Variants in POMT2 observed in about 807,000 individuals in gnomAD.
The protein encoded by POMT2 is protein O-mannosyl-transferase 2.
In POMT2, 75 loss-of-function variants were observed where a neutral mutation model predicts 100.0. That is an observed-to-expected ratio of 0.75 (90% CI 0.62 to 0.91). The LOEUF (loss-of-function observed/expected upper bound fraction) is 0.91, where lower values mean the gene tolerates loss of function less well. Among genes scored for constraint, POMT2 ranks in the 40% least tolerant of loss-of-function variants. POMT2 has a pLI of 0.00. For synonymous variants in POMT2, 378 were observed against 374.1 expected, an observed-to-expected ratio of 1.01 and a Z score of -0.12; for missense variants, 940 against 955.1, an observed-to-expected ratio of 0.98 and a Z score of 0.21.
intron 12 of POMT2, among the ~76,000 whole-genome samples, chr14:77,286,297 G>A (rs535114430): frequency 9.2e-5 from 14 of 152,274 alleles, no homozygotes; most frequent in Admixed American, 2.6e-4. Flanking sequence ...TCTCCTTGAG[G>A]TAGTAAAATA....
At chr14:77,280,261 C>T in intron 16 of POMT2, 131 bp downstream of exon 16, 2 of 1,557,206 alleles carry the variant, frequency 1.3e-6, no homozygotes, top group Non-Finnish European at 1.7e-6. Flanking sequence ...CAGATACTCC[C>T]ACCTCTGGCC....
chr14:77,291,288 G>A lies in POMT2; in HGVS notation c.1183+26C>T, dbSNP rs368825506. ...GGGCTCAGAGGGAGTAACAGCACAA[G>A]AAGCATCAGTCTCTGACCACATTAC... On this transcript the variant is annotated intron_variant, in intron 10 of 20. Transcript: ENST00000261534. 4 of 1,607,510 alleles carry A rather than the reference G, an allele frequency of 2.5e-6. No individual in the cohort carries two copies. The East Asian group carries it at 6.7e-5, about 27-fold the overall frequency.
rs976101324 is a variant in POMT2 at position 77,276,338 on chromosome 14, C to G, written c.*1038G>C. 2 of 152,718 alleles carry G rather than the reference C, an allele frequency of 1.3e-5. No individual in the cohort carries two copies. The highest frequency in any genetic ancestry group is 4.8e-5 in the African/African-American group (2 of 41,428). 9.5% of individuals were successfully genotyped at this position (152,718 alleles called of 1,614,324 possible). ...GCCCACGGAGTGAGGGAGGGGTGAG[C>G]AGAGGAGGACTGCAGAAGTGACACT... On this transcript the variant is annotated 3_prime_UTR_variant, in exon 21 of 21. Coordinates refer to ENST00000261534, the MANE Select transcript of POMT2 (RefSeq NM_013382.7).
chr14:77,293,537 C>T (rs6574364), intron 9 of POMT2, among the ~76,000 whole-genome samples: 10,395 of 152,252 alleles, frequency 0.068, 635 homozygotes, highest in African/African-American at 0.17. Flanking sequence ...TACTTTTCTA[C>T]ATTTTCCAAT....
At chr14:77,307,885 CAG>C (rs1891282478) in intron 2 of POMT2, among the ~76,000 whole-genome samples, 1 of 95,710 alleles carries the variant, frequency 1.0e-5, no homozygotes, top group Admixed American at 1.4e-4. Context: ...TTTTTTGAGA[CAG>C]AGTCTCGCTC....
intron 9 of POMT2, among the ~76,000 whole-genome samples, chr14:77,294,570 C>T (rs1360238844): frequency 1.3e-5 from 2 of 152,140 alleles, no homozygotes; most frequent in Admixed American, 1.3e-4. Flanking sequence ...GTGATCCGCC[C>T]ACCTCGGCAT....
chr14:77,296,724 G>T (rs1454806975), intron 8 of POMT2, among the ~76,000 whole-genome samples: 1 of 152,060 alleles, frequency 6.6e-6, no homozygotes, highest in Non-Finnish European at 1.5e-5. Flanking sequence ...ACTGTTCAAT[G>T]GTGTTTTGTT....
chr14:77,304,121 T>C (rs917876140), intron 4 of POMT2, among the ~76,000 whole-genome samples: 4 of 152,160 alleles, frequency 2.6e-5, no homozygotes, highest in East Asian at 1.9e-4. Flanking sequence ...CCCATTTAAA[T>C]TGGTCTAGAC....
intron 2 of POMT2, 161 bp from the exon 3 acceptor site, chr14:77,306,602 A>G: frequency 1.4e-6 from 1 of 723,626 alleles, no homozygotes; most frequent in South Asian, 1.6e-5. Context: ...GCTGCCACAG[A>G]GCAAAGAATC....
At position 77,285,057 on chromosome 14, in the gene POMT2, G is replaced by C; in HGVS notation, c.1485-16C>G. The C allele has an allele frequency of 6.3e-7, 1 of 1,577,128 alleles. No homozygotes were observed. Among genetic ancestry groups the C allele is most frequent in the Admixed American group, 1.7e-5 (1 of 59,908 alleles). ...CTCCCAGCCCCTGTGAAAAGCAGAA[G>C]TCACAGATGTCTCTCAGAAGACGTG... On this transcript the variant is annotated splice_polypyrimidine_tract_variant and intron_variant, in intron 13 of 20. Transcript: ENST00000261534.
Position 77,286,756 on chromosome 14 carries a change from G to A in POMT2, c.1320C>T (p.Thr440=), listed in dbSNP as rs143342682. The A allele has an allele frequency of 1.5e-5, 24 of 1,614,002 alleles. No individual in the cohort carries two copies. Among genetic ancestry groups the A allele is most frequent in the South Asian group, 6.6e-5 (6 of 91,078 alleles). The change falls in exon 12 of 21, where the codon ACC becomes ACT. Residue 440 remains threonine (T), a synonymous_variant. Transcript: ENST00000261534. Reference sequence around the variant, plus strand: ...GTTGCTTACTTACTATGCCATAGCCGGTGACCTGATAGTGCTTCCGGGTCA... The same window carrying A: ...GTTGCTTACTTACTATGCCATAGCCAGTGACCTGATAGTGCTTCCGGGTCA... ...APMTRKHYQV[T]GYGINGTGDS...
At chr14:77,308,832 A>G in intron 2 of POMT2, 1 of 441,988 alleles carries the variant, frequency 2.3e-6, no homozygotes, top group South Asian at 1.6e-5. Flanking sequence ...GGCTGCTGGG[A>G]ATTTTTCATA....
intron 2 of POMT2, among the ~76,000 whole-genome samples, chr14:77,309,083 G>C (rs1014189793): frequency 1.3e-5 from 2 of 152,210 alleles, no homozygotes; most frequent in Non-Finnish European, 2.9e-5. Flanking sequence ...AACAACTGTA[G>C]ACTTATCCCA....
chr14:77,285,540 G>A lies in POMT2; in HGVS notation c.1425C>T (p.Arg475=), dbSNP rs1338972689. 3 of 1,614,016 alleles carry A rather than the reference G, an allele frequency of 1.9e-6. No individual in the cohort carries two copies. The highest frequency in any genetic ancestry group is 1.3e-5 in the African/African-American group (1 of 74,904). Residue 475 remains arginine (R), a synonymous_variant, in exon 13 of 21, where the codon CGC becomes CGT. Transcript: ENST00000261534. ...CACAACCTGTGACCAAATGGATGAA[G>A]CGAATTCGACTTCTCAGCACTTTGA... is the stretch of plus-strand genomic sequence containing the variant. ...NRIKVLRSRI[R]FIHLVTGCVL...
chr14:77,317,829 A>G (rs1382358409), intron 1 of POMT2, among the ~76,000 whole-genome samples: 1 of 152,226 alleles, frequency 6.6e-6, no homozygotes, highest in African/African-American at 2.4e-5. Flanking sequence ...GAGGCTATCT[A>G]TGTAATTCAG....
At chr14:77,284,097 T>TC (rs1262654195) in intron 14 of POMT2, 9 of 568,246 alleles carry the variant, frequency 1.6e-5, no homozygotes, top group Admixed American at 2.5e-5. Flanking sequence ...CAACAAGGTT[T>TC]CACCTGCTTG....
rs8177534 is a variant in POMT2, at chr14:77,320,109, A to C, written c.248+325T>G. 4.3e-3 allele frequency among the ~76,000 whole-genome samples: 662 copies of C among 152,276 alleles called. 2 individuals are homozygous for C. The highest frequency in any genetic ancestry group is 0.015 in the African/African-American group (611 of 41,538). On this transcript the variant is annotated intron_variant, in intron 1 of 20. Coordinates refer to ENST00000261534, the MANE Select transcript of POMT2 (RefSeq NM_013382.7). ...TCAGGCCTTAGAAAATTCTGTACCC[A>C]AAAATTTGCAATTCTCTTTGGAAAG...
chr14:77,308,004 G>A (rs1891287908), intron 2 of POMT2, among the ~76,000 whole-genome samples: 1 of 151,672 alleles, frequency 6.6e-6, no homozygotes, highest in South Asian at 2.1e-4. Context: ...TGGGATTACA[G>A]GCATCTGCCA....
rs1181899419 is a variant in POMT2, at chr14:77,277,131, G to T, written c.*245C>A. On this transcript the variant is annotated 3_prime_UTR_variant, in exon 21 of 21. Transcript: ENST00000261534. ...TGGCACCCATCCTCCCCTGCGCTGT[G>T]CACGAGGGAGCAGCCCAAGAGGCGC... 1 of 548,604 alleles carries T rather than the reference G, an allele frequency of 1.8e-6. No homozygotes were observed. The highest frequency in any genetic ancestry group is 3.3e-6 in the Non-Finnish European group (1 of 302,904). The allele number at this position is 548,604 out of a possible 1,614,324, so 34.0% of individuals were successfully genotyped here.
Sources: allele counts gnomAD v4.1 joint callset (sites outside exome capture counted in the v4.1 genomes callset), GRCh38; gene constraint gnomAD v4.1.1; transcripts MANE v1.5; gene names NCBI Gene and HGNC (gene_info 2026-07-23, HGNC 2026-07-21).